Variants in TBCK observed in about 807,000 individuals in gnomAD.
TBCK encodes TBC domain-containing protein kinase-like protein.
In TBCK, 99 loss-of-function variants were observed where a neutral mutation model predicts 113.4. That is an observed-to-expected ratio of 0.87 (90% confidence interval 0.74 to 1.03). TBCK has a LOEUF of 1.03. TBCK is among the 50% of genes least tolerant of loss of function. TBCK has a pLI of 0.00. For missense variants in TBCK, 1,045 were observed against 1,061.3 expected (o/e 0.98, Z 0.21); for synonymous variants, 369 against 370.8 (o/e 1.00, Z 0.05).
chr4:106,253,328 G>A (rs1171724809), intron 5 of TBCK, among the ~76,000 whole-genome samples: 1 of 152,026 alleles, frequency 6.6e-6, no homozygotes, highest in Non-Finnish European at 1.5e-5. Context: ...TCTATTATAT[G>A]AACATAACAT....
At position 106,236,821 on chromosome 4, in the gene TBCK, A is replaced by T; in HGVS notation, c.1171-13T>A. 6.8e-7 allele frequency: 1 copy of T among 1,474,654 alleles called. No individual in the cohort carries two copies. The highest frequency in any genetic ancestry group is 9.1e-7 in the Non-Finnish European group (1 of 1,103,742). The allele number at this position is 1,474,654 out of a possible 1,614,324, so 91.3% of individuals were successfully genotyped here. A position where few individuals can be genotyped will look rare whatever the true frequency, so the allele number is the denominator to read the frequency against. Reference sequence around the variant, plus strand: ...CATCTTTCAATCTCTGTGTATTTAAAGACAAAATATTTATGTATAAACATA... The same window carrying T: ...CATCTTTCAATCTCTGTGTATTTAATGACAAAATATTTATGTATAAACATA... On this transcript the variant is annotated splice_polypyrimidine_tract_variant and intron_variant, in intron 12 of 25. Coordinates refer to ENST00000394708, the MANE Select transcript of TBCK (RefSeq NM_001163435.3).
chr4:106,225,709 G>A (rs564557453), intron 19 of TBCK, among the ~76,000 whole-genome samples: 2 of 151,894 alleles, frequency 1.3e-5, no homozygotes, highest in East Asian at 2.0e-4. Flanking sequence ...TGCCCTCCTC[G>A]GCCTCCCAAA....
chr4:106,179,662 G>A (rs1304181046), intron 22 of TBCK, among the ~76,000 whole-genome samples: 2 of 152,016 alleles, frequency 1.3e-5, no homozygotes, highest in Non-Finnish European at 2.9e-5. Context: ...CGTGAACACA[G>A]GGTCCATCTT....
chr4:106,225,459 CT>C (rs958927277), intron 19 of TBCK, among the ~76,000 whole-genome samples: 3 of 151,720 alleles, frequency 2.0e-5, no homozygotes, highest in Non-Finnish European at 4.4e-5. Flanking sequence ...TCTTTTTGGT[CT>C]TTTTTTTGTT....
chr4:106,240,521 A>G (rs1276266880), intron 12 of TBCK, among the ~76,000 whole-genome samples: 1 of 152,028 alleles, frequency 6.6e-6, no homozygotes, highest in African/African-American at 2.4e-5. Flanking sequence ...TGTGTTACTA[A>G]TCATGCACAA....
intron 22 of TBCK, among the ~76,000 whole-genome samples, chr4:106,191,215 G>A (rs765332984): frequency 6.6e-6 from 1 of 152,138 alleles, no homozygotes; most frequent in Non-Finnish European, 1.5e-5. Flanking sequence ...GTATAAAGGT[G>A]GATGTGCATA....
chr4:106,093,273 G>A (rs536436714), intron 25 of TBCK, among the ~76,000 whole-genome samples: 13 of 152,306 alleles, frequency 8.5e-5, no homozygotes, highest in Non-Finnish European at 1.3e-4. Flanking sequence ...TTGGGAGGCC[G>A]AGGCGGGCAG....
intron 19 of TBCK, among the ~76,000 whole-genome samples, chr4:106,225,894 G>A (rs1320650113): frequency 6.6e-6 from 1 of 152,080 alleles, no homozygotes; most frequent in African/African-American, 2.4e-5. Flanking sequence ...GGCCGCAGTG[G>A]CTCAAGCCTG....
chr4:106,293,289 C>A (rs1765915410), intron 3 of TBCK, among the ~76,000 whole-genome samples: 1 of 152,152 alleles, frequency 6.6e-6, no homozygotes, highest in Non-Finnish European at 1.5e-5. Flanking sequence ...GGGTTTTCTG[C>A]AGTGACAGCA....
intron 19 of TBCK, among the ~76,000 whole-genome samples, chr4:106,224,357 GA>G (rs1758010781): frequency 6.6e-6 from 1 of 150,956 alleles, no homozygotes; most frequent in Non-Finnish European, 1.5e-5. Flanking sequence ...ATTGAACATA[GA>G]AACTTTTAAC....
At chr4:106,089,926 G>A (rs145547217) in intron 25 of TBCK, among the ~76,000 whole-genome samples, 34 of 152,324 alleles carry the variant, frequency 2.2e-4, no homozygotes, top group East Asian at 2.1e-3. Flanking sequence ...TCCATACTGC[G>A]GTTGCAAGCT....
rs141563796 is a variant in TBCK, at chr4:106,063,567, G to A, written c.2572-16887C>T. 8.6e-5 allele frequency among the ~76,000 whole-genome samples: 13 copies of A among 152,008 alleles called. No individual in the cohort carries two copies. The East Asian group carries it at 2.1e-3, about 25-fold the overall frequency. On this transcript the variant is annotated intron_variant, in intron 25 of 25. Coordinates refer to ENST00000394708, the MANE Select transcript of TBCK (RefSeq NM_001163435.3). ...TAATCTCAGGTGCCTGAGACCAAAG[G>A]CTAGAGGAAGAGCTTGAGCAAAGGG...
intron 25 of TBCK, among the ~76,000 whole-genome samples, chr4:106,062,928 T>C (rs1560593633): frequency 6.6e-6 from 1 of 151,922 alleles, no homozygotes; most frequent in African/African-American, 2.4e-5. Context: ...GGATTAGGTG[T>C]ATTAAGGCCC....
intron 25 of TBCK, among the ~76,000 whole-genome samples, chr4:106,060,355 A>C (rs971751372): frequency 2.0e-5 from 3 of 151,732 alleles, no homozygotes; most frequent in African/African-American, 7.3e-5. Context: ...GGTGACTTTC[A>C]GTTGAAGCTA....
chr4:106,098,365 A>G (rs749802295), intron 24 of TBCK, among the ~76,000 whole-genome samples: 8 of 152,044 alleles, frequency 5.3e-5, no homozygotes, highest in Non-Finnish European at 1.0e-4. Flanking sequence ...CAGAGGAAAT[A>G]TTACTATTAA....
intron 20 of TBCK, among the ~76,000 whole-genome samples, chr4:106,203,833 T>A (rs146907491): frequency 9.9e-4 from 151 of 152,224 alleles, no homozygotes; most frequent in African/African-American, 3.5e-3. Flanking sequence ...CTATAAAACA[T>A]GTTATGTAGC....
chr4:106,252,129 T>C, intron 5 of TBCK, 122 bp from the exon 6 acceptor site: 3 of 729,758 alleles, frequency 4.1e-6, no homozygotes, highest in Non-Finnish European at 6.2e-6. Flanking sequence ...CAACTGTTGC[T>C]AGAAAGCATT....
chr4:106,090,753 C>T (rs1222964612), intron 25 of TBCK, among the ~76,000 whole-genome samples: 1 of 152,086 alleles, frequency 6.6e-6, no homozygotes, highest in African/African-American at 2.4e-5. Context: ...CATGAACACA[C>T]TGTTGTCAAG....
intron 23 of TBCK, among the ~76,000 whole-genome samples, chr4:106,160,170 C>T (rs1407050661): frequency 6.6e-6 from 1 of 151,936 alleles, no homozygotes; most frequent in East Asian, 1.9e-4. Context: ...AACTTTAAGA[C>T]TCTTAGAAGA....
Sources: gnomAD v4.1 joint callset for allele counts (sites outside exome capture counted in the v4.1 genomes callset) on GRCh38, gnomAD v4.1.1 for gene constraint, MANE v1.5 for transcripts, NCBI Gene and HGNC (gene_info 2026-07-23, HGNC 2026-07-21) for gene names.